CSMD3: variants seen among roughly 807,000 people sequenced by gnomAD.
CSMD3 encodes the protein CUB and sushi domain-containing protein 3.
A neutral mutation model predicts 435.2 loss-of-function variants in CSMD3; 177 were observed. The ratio of observed to expected loss-of-function variants is 0.41; its 90% CI spans 0.36 to 0.46. CSMD3 has a LOEUF of 0.46. Among genes scored for constraint, CSMD3 ranks in the 20% least tolerant of loss-of-function variants. The pLI is 0.34. For missense variants in CSMD3, 4,265 were observed against 4,504.6 expected (o/e 0.95, Z 1.52); for synonymous variants, 1,656 against 1,520.5 (o/e 1.09, Z -2.07).
chr8:112,921,076 T>A lies in CSMD3; in HGVS notation c.1633+551A>T, dbSNP rs924254320. 2.6e-5 allele frequency among the ~76,000 whole-genome samples: 4 copies of A among 151,240 alleles called. No homozygotes were observed. In the East Asian group the frequency reaches 7.8e-4, roughly 29 times the overall value. On this transcript the variant is annotated intron_variant, in intron 10 of 70. Coordinates refer to ENST00000297405, the MANE Select transcript of CSMD3 (RefSeq NM_198123.2). The stretch of plus-strand genomic sequence containing the variant: ...TAATTCCAGATAAGATATATATACA[T>A]ATGTATATCTTACATATATATACAC...
chr8:113,428,438 C>A (rs1243649727), intron 1 of CSMD3, among the ~76,000 whole-genome samples: 2 of 151,644 alleles, frequency 1.3e-5, no homozygotes, highest in East Asian at 3.9e-4. Context: ...TTTCACTTAA[C>A]CACTAGCTAA....
intron 5 of CSMD3, among the ~76,000 whole-genome samples, chr8:113,090,407 T>G (rs1356231459): frequency 6.6e-6 from 1 of 152,186 alleles, no homozygotes; most frequent in Non-Finnish European, 1.5e-5. Flanking sequence ...ATTTGCATAT[T>G]AGAAACAAAT....
At chr8:112,448,755 T>TAAA (rs199998820) in intron 32 of CSMD3, among the ~76,000 whole-genome samples, 11 of 127,174 alleles carry the variant, frequency 8.6e-5, no homozygotes, top group South Asian at 4.9e-4. Flanking sequence ...TACAATCTAT[T>TAAA]AAAAAAAAAA....
At chr8:112,329,983 G>T (rs1249045225) in intron 45 of CSMD3, among the ~76,000 whole-genome samples, 1 of 151,730 alleles carries the variant, frequency 6.6e-6, no homozygotes, top group Non-Finnish European at 1.5e-5. Context: ...CCATACCCCC[G>T]TTCTCTCTGG....
chr8:113,018,064 C>A (rs2086537383), intron 6 of CSMD3, among the ~76,000 whole-genome samples: 1 of 152,026 alleles, frequency 6.6e-6, no homozygotes, highest in South Asian at 2.1e-4. Flanking sequence ...TGTCGAAAAT[C>A]TTGATTTTAA....
intron 2 of CSMD3, among the ~76,000 whole-genome samples, chr8:113,295,064 A>G (rs948780586): frequency 1.3e-5 from 2 of 152,080 alleles, no homozygotes; most frequent in African/African-American, 4.8e-5. Context: ...TAGCAGGTGC[A>G]TATATTTATG....
intron 2 of CSMD3, among the ~76,000 whole-genome samples, chr8:113,307,195 A>T (rs984369289): frequency 6.6e-6 from 1 of 152,100 alleles, no homozygotes; most frequent in African/African-American, 2.4e-5. Context: ...TCTGGAAAAA[A>T]CTTAGTTTAT....
At chr8:112,664,914 T>C (rs1454119308) in intron 17 of CSMD3, among the ~76,000 whole-genome samples, 3 of 152,172 alleles carry the variant, frequency 2.0e-5, no homozygotes, top group Non-Finnish European at 4.4e-5. Context: ...CTGTGACACT[T>C]GGTTATGGCA....
At chr8:113,093,373 A>G (rs1165417921) in intron 5 of CSMD3, among the ~76,000 whole-genome samples, 1 of 152,144 alleles carries the variant, frequency 6.6e-6, no homozygotes, top group African/African-American at 2.4e-5. Flanking sequence ...ATAGTCAGTG[A>G]GTAATAGAAA....
intron 1 of CSMD3, among the ~76,000 whole-genome samples, chr8:113,356,055 C>G (rs1363706615): frequency 6.6e-6 from 1 of 151,556 alleles, no homozygotes; most frequent in Non-Finnish European, 1.5e-5. Flanking sequence ...ATACATTTTA[C>G]AACATTTGTT....
chr8:113,096,108 A>G (rs1045649716), intron 5 of CSMD3, among the ~76,000 whole-genome samples: 7 of 152,098 alleles, frequency 4.6e-5, no homozygotes, highest in Admixed American at 3.3e-4. Flanking sequence ...GAGATTTCCA[A>G]ATTTAGAAGT....
intron 13 of CSMD3, among the ~76,000 whole-genome samples, chr8:112,727,269 A>G (rs2076986185): frequency 6.6e-6 from 1 of 151,866 alleles, no homozygotes; most frequent in South Asian, 2.1e-4. Context: ...ATAAGTCATG[A>G]ACTGCGTCTG....
chr8:112,249,010 T>G (rs1815019489), intron 63 of CSMD3, among the ~76,000 whole-genome samples: 1 of 152,086 alleles, frequency 6.6e-6, no homozygotes, highest in Non-Finnish European at 1.5e-5. Context: ...TCTGAAGTTG[T>G]GCAAAATGGT....
chr8:112,235,980 T>C (rs921402165), intron 67 of CSMD3, among the ~76,000 whole-genome samples: 6 of 151,936 alleles, frequency 3.9e-5, no homozygotes, highest in African/African-American at 1.4e-4. Context: ...CAAAGTTAAA[T>C]AAAGCATTAG....
At chr8:113,300,176 A>AAAC (rs1554602393) in intron 2 of CSMD3, among the ~76,000 whole-genome samples, 17 of 149,598 alleles carry the variant, frequency 1.1e-4, no homozygotes, top group Middle Eastern at 3.4e-3. Context: ...AAAAAAAAAA[A>AAAC]AACAACAGAT....
intron 39 of CSMD3, 75 bp downstream of exon 39, chr8:112,352,341 C>T: frequency 6.2e-7 from 1 of 1,601,706 alleles, no homozygotes; most frequent in African/African-American, 1.3e-5. Flanking sequence ...AAACCCGTGG[C>T]TTATCAATCA....
At chr8:113,383,018 T>TAGA (rs2094423679) in intron 1 of CSMD3, among the ~76,000 whole-genome samples, 2 of 149,404 alleles carry the variant, frequency 1.3e-5, no homozygotes, top group Non-Finnish European at 2.9e-5. Flanking sequence ...AATAAACAGT[T>TAGA]GTTAAACACT....
chr8:113,240,810 G>T (rs72670705), intron 3 of CSMD3, among the ~76,000 whole-genome samples: 10,006 of 152,116 alleles, frequency 0.066, 445 homozygotes, highest in Non-Finnish European at 0.094. Context: ...AAAGAAAAAT[G>T]ACATGTGAAT....
At chr8:112,234,138 C>T (rs1397706969) in intron 68 of CSMD3, among the ~76,000 whole-genome samples, 18 of 151,042 alleles carry the variant, frequency 1.2e-4, no homozygotes, top group East Asian at 1.2e-3. Flanking sequence ...CCCACACACA[C>T]GTACACCCCA....
Sources: allele counts gnomAD v4.1 joint callset (sites outside exome capture counted in the v4.1 genomes callset), GRCh38; gene constraint gnomAD v4.1.1; transcripts MANE v1.5; gene names NCBI Gene and HGNC (gene_info 2026-07-23, HGNC 2026-07-21).